PLEKHA7: variants seen among roughly 807,000 people sequenced by gnomAD.
PLEKHA7 encodes the protein pleckstrin homology domain-containing family A member 7.
Under a neutral mutation model 170.0 loss-of-function variants are expected in PLEKHA7, and 104 were observed. The observed-to-expected ratio is 0.61, with a 90% CI of 0.52 to 0.72. The LOEUF (loss-of-function observed/expected upper bound fraction) is 0.72, where lower values mean the gene tolerates loss of function less well. PLEKHA7 is among the 30% of genes least tolerant of loss of function. PLEKHA7 has a pLI of 0.00. For synonymous variants in PLEKHA7, 648 were observed against 660.8 expected, an observed-to-expected ratio of 0.98 and a Z score of 0.30; for missense variants, 1,615 against 1,671.7, an observed-to-expected ratio of 0.97 and a Z score of 0.59.
intron 3 of PLEKHA7, among the ~76,000 whole-genome samples, chr11:16,892,234 T>C (rs1856666595): frequency 6.6e-6 from 1 of 152,176 alleles, no homozygotes; most frequent in Admixed American, 6.5e-5. Flanking sequence ...AGTCAAGAGA[T>C]ATCTGAAACA....
At chr11:16,876,888 A>G (rs1317447743) in intron 3 of PLEKHA7, among the ~76,000 whole-genome samples, 1 of 152,222 alleles carries the variant, frequency 6.6e-6, no homozygotes, top group Non-Finnish European at 1.5e-5. Context: ...TGGCATGGCA[A>G]GAAGTTCTGG....
At chr11:16,814,912 C>A (rs1255812452) in intron 12 of PLEKHA7, among the ~76,000 whole-genome samples, 1 of 152,232 alleles carries the variant, frequency 6.6e-6, no homozygotes, top group Non-Finnish European at 1.5e-5. Flanking sequence ...CATGACCATA[C>A]ACCAGCCTGG....
chr11:16,782,076 G>GAC (rs1849062181), intron 26 of PLEKHA7, among the ~76,000 whole-genome samples: 1 of 151,372 alleles, frequency 6.6e-6, no homozygotes, highest in Admixed American at 6.6e-5. Context: ...TTTATACACA[G>GAC]ACACACACAC....
chr11:16,853,705 G>A (rs965335958), intron 6 of PLEKHA7, among the ~76,000 whole-genome samples: 3 of 152,202 alleles, frequency 2.0e-5, no homozygotes, highest in African/African-American at 7.2e-5. Flanking sequence ...AATGACTCAA[G>A]TGAGAAAAAG....
chr11:16,826,291 G>C lies in PLEKHA7; in HGVS notation c.1172C>G (p.Ala391Gly), dbSNP rs762958297. Residue 391 changes from alanine to glycine, a missense_variant, in exon 10 of 27, where the codon GCA (alanine) becomes GGA (glycine). By Grantham distance (60) the Ala-to-Gly change is moderately conservative. Coordinates refer to ENST00000531066, the MANE Select transcript of PLEKHA7 (RefSeq NM_001329630.2). ...PRGQQAQPQR[A>G]EKNGMLPASY... The stretch of plus-strand genomic sequence containing the variant: ...GGCAGGCAGCATTCCATTCTTCTCT[G>C]CCCGTTGGGGCTGTGCCTGCTGGCC... 2 of 1,614,220 alleles carry C rather than the reference G, an allele frequency of 1.2e-6. No individual in the cohort carries two copies. Among genetic ancestry groups the C allele is most frequent in the South Asian group, 2.2e-5 (2 of 91,086 alleles).
At chr11:16,948,665 CACA>C (rs563981104) in intron 3 of PLEKHA7, among the ~76,000 whole-genome samples, 1 of 151,854 alleles carries the variant, frequency 6.6e-6, no homozygotes, top group African/African-American at 2.4e-5. Context: ...CACACACACA[CACA>C]CACACAGACA....
chr11:16,809,227 G>A (rs1327430157), intron 13 of PLEKHA7, among the ~76,000 whole-genome samples: 5 of 152,182 alleles, frequency 3.3e-5, no homozygotes, highest in Non-Finnish European at 5.9e-5. Context: ...CAGCAGGAAC[G>A]CTCACTTCAG....
intron 3 of PLEKHA7, among the ~76,000 whole-genome samples, chr11:16,998,153 C>T (rs1414080796): frequency 6.6e-6 from 1 of 152,152 alleles, no homozygotes; most frequent in Non-Finnish European, 1.5e-5. Context: ...GAACAGTGTA[C>T]GTGTGAACAG....
At chr11:16,913,731 C>T (rs1415204851) in intron 3 of PLEKHA7, among the ~76,000 whole-genome samples, 3 of 152,142 alleles carry the variant, frequency 2.0e-5, no homozygotes, top group Admixed American at 6.5e-5. Flanking sequence ...TTGTACTGTC[C>T]GCCAGGAAGC....
At chr11:16,783,655 T>G in intron 25 of PLEKHA7, 45 bp downstream of exon 25, 1 of 1,351,674 alleles carries the variant, frequency 7.4e-7, no homozygotes, top group Non-Finnish European at 9.5e-7. Flanking sequence ...AGACGCCACC[T>G]GGGGTCAGGG....
At chr11:16,990,035 C>T (rs891699121) in intron 3 of PLEKHA7, among the ~76,000 whole-genome samples, 1 of 152,002 alleles carries the variant, frequency 6.6e-6, no homozygotes, top group Non-Finnish European at 1.5e-5. Flanking sequence ...GCTGTATGTA[C>T]TCAGATAAGC....
intron 6 of PLEKHA7, 83 bp from the exon 7 acceptor site, chr11:16,852,438 C>G: frequency 8.5e-7 from 1 of 1,179,012 alleles, no homozygotes; most frequent in Non-Finnish European, 1.2e-6. Context: ...GATTCCAGAA[C>G]CAAATATTTG....
At chr11:16,919,982 G>T (rs1030711509) in intron 3 of PLEKHA7, among the ~76,000 whole-genome samples, 1 of 152,124 alleles carries the variant, frequency 6.6e-6, no homozygotes, top group Non-Finnish European at 1.5e-5. Flanking sequence ...TTTTGTAATG[G>T]GACAACCTGG....
intron 3 of PLEKHA7, among the ~76,000 whole-genome samples, chr11:16,956,621 T>C (rs999786579): frequency 1.3e-5 from 2 of 152,248 alleles, no homozygotes; most frequent in African/African-American, 4.8e-5. Flanking sequence ...ATTTTAGTTA[T>C]ACCTAATCCA....
intron 3 of PLEKHA7, among the ~76,000 whole-genome samples, chr11:16,886,293 G>A (rs1378163710): frequency 6.6e-6 from 1 of 152,188 alleles, no homozygotes; most frequent in Admixed American, 6.5e-5. Context: ...ACAGGCCCTG[G>A]AGTTCAGCTC....
intron 9 of PLEKHA7, among the ~76,000 whole-genome samples, chr11:16,838,869 G>A (rs1224837994): frequency 1.3e-5 from 2 of 151,950 alleles, no homozygotes; most frequent in Non-Finnish European, 2.9e-5. Context: ...CATATTTTTA[G>A]TAGAGATGGG....
intron 3 of PLEKHA7, among the ~76,000 whole-genome samples, chr11:16,891,258 C>A (rs1856592734): frequency 6.6e-6 from 1 of 152,118 alleles, no homozygotes; most frequent in Non-Finnish European, 1.5e-5. Flanking sequence ...AGCCAAGAGA[C>A]CTCATGTGGA....
At chr11:16,838,075 C>T (rs1851658588) in intron 9 of PLEKHA7, among the ~76,000 whole-genome samples, 2 of 152,214 alleles carry the variant, frequency 1.3e-5, no homozygotes, top group South Asian at 2.1e-4. Flanking sequence ...CTATCATCAA[C>T]CTCTGCAAGA....
chr11:16,837,471 C>T (rs1023303300), intron 9 of PLEKHA7, among the ~76,000 whole-genome samples: 2 of 152,136 alleles, frequency 1.3e-5, no homozygotes, highest in South Asian at 2.1e-4. Context: ...CTAGAAGAAA[C>T]CCATTTTGCC....
Sources: gnomAD v4.1 joint callset for allele counts (sites outside exome capture counted in the v4.1 genomes callset) on GRCh38, gnomAD v4.1.1 for gene constraint, MANE v1.5 for transcripts, NCBI Gene and HGNC (gene_info 2026-07-23, HGNC 2026-07-21) for gene names.